CRY1: variants seen among roughly 807,000 people sequenced by gnomAD.
The protein encoded by CRY1 is cryptochrome-1.
CRY1 carries 45 observed loss-of-function variants against 76.0 expected under a neutral mutation model. That is an observed-to-expected ratio of 0.59 (90% CI 0.47 to 0.76). CRY1 has a LOEUF of 0.76. CRY1 is among the 30% of genes least tolerant of loss of function. The probability of loss-of-function intolerance (pLI) is 0.00; values close to 1 mark genes in which losing one functional copy is unlikely to be tolerated. For synonymous variants in CRY1, 248 were observed against 244.0 expected (o/e 1.02, Z -0.15); for missense variants, 587 against 716.4 (o/e 0.82, Z 2.06).
At chr12:107,069,964 G>A (rs1054435367) in intron 1 of CRY1, among the ~76,000 whole-genome samples, 20 of 151,970 alleles carry the variant, frequency 1.3e-4, no homozygotes, top group African/African-American at 4.3e-4. Context: ...GATCAGTAAA[G>A]TTTATAAAGC....
At chr12:107,048,882 T>C (rs1457915984) in intron 1 of CRY1, among the ~76,000 whole-genome samples, 1 of 152,210 alleles carries the variant, frequency 6.6e-6, no homozygotes, top group Non-Finnish European at 1.5e-5. Context: ...ATGAGTCTAA[T>C]TGTCTGGTTT....
At chr12:107,069,851 A>G (rs1307520279) in intron 1 of CRY1, among the ~76,000 whole-genome samples, 1 of 151,092 alleles carries the variant, frequency 6.6e-6, no homozygotes, top group Non-Finnish European at 1.5e-5. Flanking sequence ...AAGGTAATTT[A>G]CAGAAAGAAA....
chr12:107,020,429 G>A (rs1952542423), intron 2 of CRY1, among the ~76,000 whole-genome samples: 3 of 152,078 alleles, frequency 2.0e-5, no homozygotes, highest in African/African-American at 7.2e-5. Flanking sequence ...AATTATAATC[G>A]CCAATGTTGG....
chr12:107,053,123 GA>G (rs1342967078), intron 1 of CRY1, among the ~76,000 whole-genome samples: 1 of 151,988 alleles, frequency 6.6e-6, no homozygotes, highest in Non-Finnish European at 1.5e-5. Context: ...TGGCAGATTT[GA>G]AAAAGAACCA....
At chr12:107,024,410 C>CT (rs879273386) in intron 1 of CRY1, among the ~76,000 whole-genome samples, 320 of 145,224 alleles carry the variant, frequency 2.2e-3, no homozygotes, top group Middle Eastern at 3.6e-3. Flanking sequence ...AATAAACATT[C>CT]TTTTTTTTTT....
chr12:107,051,514 C>T (rs1952920460), intron 1 of CRY1, among the ~76,000 whole-genome samples: 1 of 152,056 alleles, frequency 6.6e-6, no homozygotes, highest in Non-Finnish European at 1.5e-5. Context: ...AATTCCCATC[C>T]TTGAAGCCTC....
intron 1 of CRY1, among the ~76,000 whole-genome samples, chr12:107,049,268 T>C (rs934064060): frequency 2.6e-5 from 4 of 152,200 alleles, no homozygotes; most frequent in Admixed American, 2.6e-4. Context: ...ACCATTGTAA[T>C]TTTCAGAATT....
rs1953428739 is a variant in CRY1 at position 107,088,377 on chromosome 12, G to C, written c.158+4427C>G. Among the ~76,000 whole-genome samples the C allele has an allele frequency of 2.0e-5, 3 of 152,306 alleles. No homozygotes were observed. The South Asian group carries it at 6.2e-4, about 32-fold the overall frequency. ...TTCTGAGGTCCTCACCAGAACCAGA[G>C]GCTGAAGCCATGCTTCTAGTAAAGC... is the stretch of plus-strand genomic sequence containing the variant. On this transcript the variant is annotated intron_variant, in intron 1 of 12. Coordinates refer to ENST00000008527, the MANE Select transcript of CRY1 (RefSeq NM_004075.5).
chr12:107,037,445 T>C (rs1363605863), intron 1 of CRY1, among the ~76,000 whole-genome samples: 2 of 151,720 alleles, frequency 1.3e-5, no homozygotes, highest in East Asian at 1.9e-4. Context: ...GGCAGGAGAA[T>C]CACTTGAAAC....
intron 3 of CRY1, among the ~76,000 whole-genome samples, chr12:107,002,952 G>C (rs1952328782): frequency 6.6e-6 from 1 of 152,132 alleles, no homozygotes; most frequent in Non-Finnish European, 1.5e-5. Context: ...GAGCCGTGTG[G>C]AATTGTAAGT....
chr12:106,995,600 T>C (rs1160844321), intron 10 of CRY1, among the ~76,000 whole-genome samples: 1 of 152,204 alleles, frequency 6.6e-6, no homozygotes, highest in Non-Finnish European at 1.5e-5. Context: ...AGTGTTTGTA[T>C]GATTTTATGC....
chr12:107,085,820 A>C (rs1953392935), intron 1 of CRY1, among the ~76,000 whole-genome samples: 1 of 152,140 alleles, frequency 6.6e-6, no homozygotes, highest in South Asian at 2.1e-4. Context: ...CCAGAACTTA[A>C]AGTATTAAAA....
chr12:107,011,032 T>C (rs1160082923), intron 2 of CRY1, among the ~76,000 whole-genome samples: 1 of 152,046 alleles, frequency 6.6e-6, no homozygotes, highest in Non-Finnish European at 1.5e-5. Context: ...ATAAGCTTAG[T>C]GAGGAAGGCA....
chr12:107,021,056 G>A (rs192976840), intron 2 of CRY1, among the ~76,000 whole-genome samples: 8 of 152,274 alleles, frequency 5.3e-5, no homozygotes, highest in East Asian at 1.9e-4. Flanking sequence ...GGTCGAGGCC[G>A]GTGGATCACC....
intron 1 of CRY1, among the ~76,000 whole-genome samples, chr12:107,058,841 G>A (rs1322951028): frequency 3.3e-5 from 5 of 152,240 alleles, no homozygotes; most frequent in East Asian, 1.9e-4. Flanking sequence ...CCTATCATGA[G>A]GCTTTCTGTA....
intron 8 of CRY1, 59 bp from the exon 9 acceptor site, chr12:106,997,749 T>C (rs1055720201): frequency 1.3e-6 from 2 of 1,581,942 alleles, no homozygotes; most frequent in Middle Eastern, 3.4e-4. Flanking sequence ...CTATAACTAC[T>C]AGCTATGACA....
chr12:107,068,814 G>T (rs1593536425), intron 1 of CRY1, among the ~76,000 whole-genome samples: 1 of 152,062 alleles, frequency 6.6e-6, no homozygotes, highest in East Asian at 1.9e-4. Context: ...ACCTGTTCTG[G>T]ATGTTTCATA....
chr12:107,061,537 G>A (rs1002716965), intron 1 of CRY1, among the ~76,000 whole-genome samples: 3 of 151,752 alleles, frequency 2.0e-5, no homozygotes, highest in African/African-American at 7.3e-5. Context: ...CCACCACCAC[G>A]CCCGGCTAAT....
intron 1 of CRY1, among the ~76,000 whole-genome samples, chr12:107,075,015 C>CAAA (rs5800726): frequency 4.7e-5 from 7 of 149,222 alleles, no homozygotes; most frequent in Non-Finnish European, 7.4e-5. Flanking sequence ...AACTCTGTCT[C>CAAA]AAAAAAAAAA....
Sources: gnomAD v4.1 joint callset for allele counts (sites outside exome capture counted in the v4.1 genomes callset) on GRCh38, gnomAD v4.1.1 for gene constraint, MANE v1.5 for transcripts, NCBI Gene and HGNC (gene_info 2026-07-23, HGNC 2026-07-21) for gene names.